STK32B: variants seen among roughly 807,000 people sequenced by gnomAD.
The protein encoded by STK32B is serine/threonine kinase 32B.
A neutral mutation model predicts 52.6 loss-of-function variants in STK32B; 43 were observed. That is an observed-to-expected ratio of 0.82 (90% CI 0.64 to 1.05). The LOEUF is 1.05. STK32B is among the 50% of genes least tolerant of loss of function. The pLI, the probability that STK32B is intolerant of heterozygous loss-of-function variation, is 0.00. For synonymous variants in STK32B, 238 were observed against 204.3 expected, an observed-to-expected ratio of 1.17 and a Z score of -1.41; for missense variants, 621 against 534.6, an observed-to-expected ratio of 1.16 and a Z score of -1.59.
intron 4 of STK32B, among the ~76,000 whole-genome samples, chr4:5,353,907 A>G (rs1734008666): frequency 6.6e-6 from 1 of 152,258 alleles, no homozygotes; most frequent in African/African-American, 2.4e-5. Context: ...GAAATGAATC[A>G]GTATATCAAA....
At chr4:5,196,290 T>G (rs2108770305) in intron 3 of STK32B, among the ~76,000 whole-genome samples, 1 of 151,604 alleles carries the variant, frequency 6.6e-6, no homozygotes, top group African/African-American at 2.4e-5. Context: ...GGTTCTCTTC[T>G]TCTTTCCTTT....
Position 5,188,838 on chromosome 4 carries a change from G to GA in STK32B, c.260+20390dup, listed in dbSNP as rs1553847129. On this transcript the variant is annotated intron_variant, in intron 3 of 11. Transcript: ENST00000282908. Reference sequence around the variant, plus strand: ...TGGTGTAACATGGACACAGGGCAGGGAACATCACACACTGGGGCCTGTCAG... The same window carrying GA: ...TGGTGTAACATGGACACAGGGCAGGGAAACATCACACACTGGGGCCTGTCAG... Among the ~76,000 whole-genome samples, 4 of 133,598 alleles carry GA rather than the reference G, an allele frequency of 3.0e-5. No homozygotes were observed. In the East Asian group the frequency reaches 6.4e-4, roughly 21 times the overall value. The allele number at this position is 133,598 out of a possible 152,430, so 87.6% of individuals were successfully genotyped here.
At chr4:5,168,221 C>T in intron 2 of STK32B, 78 bp from the exon 3 acceptor site, 4 of 1,511,216 alleles carry the variant, frequency 2.6e-6, no homozygotes, top group South Asian at 1.3e-5. Context: ...AGTAAAAATG[C>T]AGTGCGGGGT....
At chr4:5,313,105 T>C (rs1577328118) in intron 3 of STK32B, among the ~76,000 whole-genome samples, 2 of 144,974 alleles carry the variant, frequency 1.4e-5, no homozygotes, top group East Asian at 2.0e-4. Flanking sequence ...AAAGTAATTG[T>C]GGTTTTTAAA....
At chr4:5,019,705 A>G in the STK32B span, among the ~76,000 whole-genome samples, 1 of 152,068 alleles carries the variant, frequency 6.6e-6, no homozygotes, top group Non-Finnish European at 1.5e-5. Context: ...ACTTTCAGCA[A>G]GAAATTTCTT....
At chr4:5,180,819 C>T (rs1457889653) in intron 3 of STK32B, among the ~76,000 whole-genome samples, 3 of 152,184 alleles carry the variant, frequency 2.0e-5, no homozygotes, top group South Asian at 4.1e-4. Flanking sequence ...GATTAATTTT[C>T]ATAGCAATTT....
Position 5,469,759 on chromosome 4 carries a change from A to G in STK32B, c.1106+1689A>G, listed in dbSNP as rs1465189234. On this transcript the variant is annotated intron_variant, in intron 11 of 11. Coordinates refer to ENST00000282908, the MANE Select transcript of STK32B (RefSeq NM_018401.3). This position sits in a 1 kb window ranked among gnomAD's most constrained non-coding sequence, Gnocchi z 4.7. ...TGTTGGGGTCTCCCAGCTCTGGCCA[A>G]CAACACAGGAAGGGCCTCTGCAGCC... Among the ~76,000 whole-genome samples the G allele has an allele frequency of 6.6e-6, 1 of 152,216 alleles. No individual in the cohort carries two copies. Among genetic ancestry groups the G allele is most frequent in the Non-Finnish European group, 1.5e-5 (1 of 68,028 alleles).
chr4:5,126,788 G>A (rs575086416), intron 1 of STK32B, among the ~76,000 whole-genome samples: 9 of 152,190 alleles, frequency 5.9e-5, no homozygotes, highest in South Asian at 2.1e-4. Context: ...ATGATTCGAC[G>A]GGCAGCTCTG....
chr4:5,299,973 A>G (rs931158154), intron 3 of STK32B, among the ~76,000 whole-genome samples: 4 of 152,148 alleles, frequency 2.6e-5, no homozygotes, highest in African/African-American at 9.7e-5. Context: ...GAAATCCAGC[A>G]AAGATATAAC....
chr4:5,092,534 CAAAA>C (rs527339612), intron 1 of STK32B, among the ~76,000 whole-genome samples: 2 of 86,892 alleles, frequency 2.3e-5, no homozygotes, highest in Non-Finnish European at 2.7e-5. Context: ...GACTCCGTCT[CAAAA>C]AAAAAAAAAA....
At chr4:5,082,865 T>C (rs145012745) in intron 1 of STK32B, among the ~76,000 whole-genome samples, 2 of 152,362 alleles carry the variant, frequency 1.3e-5, no homozygotes, top group Non-Finnish European at 2.9e-5. Context: ...CTCCTATGCA[T>C]AGATATTTTG....
At chr4:5,424,077 TCA>T (rs907598172) in intron 6 of STK32B, among the ~76,000 whole-genome samples, 6 of 152,072 alleles carry the variant, frequency 3.9e-5, no homozygotes, top group African/African-American at 1.2e-4. Context: ...CACTCTGATT[TCA>T]GAGTGGGGTT....
At chr4:5,305,165 C>T (rs1449931828) in intron 3 of STK32B, among the ~76,000 whole-genome samples, 4 of 151,758 alleles carry the variant, frequency 2.6e-5, no homozygotes, top group African/African-American at 9.7e-5. Flanking sequence ...TTGTTATGTC[C>T]TTTTCTGGTT....
At chr4:5,456,151 G>T (rs1716491166) in intron 7 of STK32B, among the ~76,000 whole-genome samples, 1 of 152,220 alleles carries the variant, frequency 6.6e-6, no homozygotes. Context: ...AGCTTTGAGA[G>T]GGGCTTAGAA....
intron 6 of STK32B, among the ~76,000 whole-genome samples, chr4:5,425,500 A>G (rs1713016080): frequency 6.6e-6 from 1 of 152,184 alleles, no homozygotes; most frequent in African/African-American, 2.4e-5. Flanking sequence ...TTTGCTGAGC[A>G]CCTTCTACAT....
intron 3 of STK32B, among the ~76,000 whole-genome samples, chr4:5,272,004 C>G (rs1351579045): frequency 6.7e-6 from 1 of 148,762 alleles, no homozygotes; most frequent in African/African-American, 2.6e-5. Flanking sequence ...ATTTCCTTCT[C>G]CTGCCTAATT....
chr4:5,132,106 T>C (rs1715812439), intron 1 of STK32B, among the ~76,000 whole-genome samples: 2 of 152,196 alleles, frequency 1.3e-5, no homozygotes, highest in Admixed American at 1.3e-4. Context: ...AACATGATCT[T>C]CCTCTTTTTA....
chr4:5,373,205 C>A (rs1319348240), intron 4 of STK32B, among the ~76,000 whole-genome samples: 2 of 152,090 alleles, frequency 1.3e-5, no homozygotes, highest in African/African-American at 4.8e-5. Flanking sequence ...TTAGGATTCT[C>A]CAGAGAAACA....
At chr4:5,180,637 T>C (rs555392768) in intron 3 of STK32B, among the ~76,000 whole-genome samples, 135 of 152,298 alleles carry the variant, frequency 8.9e-4, no homozygotes, top group Non-Finnish European at 1.6e-3. Flanking sequence ...CAGTGTGGAA[T>C]TGCCTGTTGG....
Sources: allele counts gnomAD v4.1 joint callset (sites outside exome capture counted in the v4.1 genomes callset), GRCh38; gene constraint gnomAD v4.1.1; non-coding constraint Gnocchi (gnomAD v3.1); transcripts MANE v1.5; gene names NCBI Gene and HGNC (gene_info 2026-07-23, HGNC 2026-07-21).